Variants in MAP6 observed in about 807,000 individuals in gnomAD.
MAP6 encodes microtubule associated protein 6, also known as microtubule-associated protein 6.
MAP6 carries 26 observed loss-of-function variants against 42.4 expected under a neutral mutation model. That is an observed-to-expected ratio of 0.61 (90% CI 0.45 to 0.85). The LOEUF (loss-of-function observed/expected upper bound fraction) is 0.85. Among genes scored for constraint, MAP6 ranks in the 40% least tolerant of loss-of-function variants. The pLI is 0.00. For missense variants in MAP6, 966 were observed against 1,099.0 expected, an observed-to-expected ratio of 0.88 and a Z score of 1.71; for synonymous variants, 418 against 443.8, an observed-to-expected ratio of 0.94 and a Z score of 0.73.
chr11:75,655,837 A>C (rs1943739215), intron 1 of MAP6, among the ~76,000 whole-genome samples: 1 of 152,252 alleles, frequency 6.6e-6, no homozygotes, highest in African/African-American at 2.4e-5. Flanking sequence ...TGGAATGAGG[A>C]GAATTAGATT....
chr11:75,643,559 C>A (rs1943510064), intron 1 of MAP6, among the ~76,000 whole-genome samples: 1 of 152,156 alleles, frequency 6.6e-6, no homozygotes, highest in Non-Finnish European at 1.5e-5. Context: ...ATAGAACTAG[C>A]CACTACTGCA....
chr11:75,632,379 C>A (rs568886456), intron 1 of MAP6, among the ~76,000 whole-genome samples: 2 of 152,242 alleles, frequency 1.3e-5, no homozygotes, highest in South Asian at 4.2e-4. Flanking sequence ...AGTTTATAAT[C>A]CACCAAAGGG....
intron 1 of MAP6, among the ~76,000 whole-genome samples, chr11:75,610,920 C>A (rs1220264428): frequency 6.6e-6 from 1 of 152,106 alleles, no homozygotes; most frequent in Admixed American, 6.5e-5. Context: ...TTGAAGCTCT[C>A]CTGATTCTGT....
intron 2 of MAP6, chr11:75,607,112 A>G (rs1454885374): frequency 5.8e-6 from 3 of 520,274 alleles, no homozygotes. Context: ...GAAAGGAACC[A>G]ATCGTCCTGG....
chr11:75,667,481 C>G lies in MAP6; in HGVS notation c.889G>C (p.Val297Leu). ...GCGTCTCACCTGTAGGAGCTGCTCACTGCACTCGCCACCTCCTCGCGGATT... is the reference window on the plus strand; with the variant it reads ...GCGTCTCACCTGTAGGAGCTGCTCAGTGCACTCGCCACCTCCTCGCGGATT... ...RQIREEVASA[V>L]SSSYRNEFRA... Residue 297 changes from valine to leucine, a missense_variant, in exon 1 of 4, where the codon GTG (valine) becomes CTG (leucine). Physicochemically the swap from Val to Leu is conservative, Grantham distance 32. Coordinates refer to ENST00000304771, the MANE Select transcript of MAP6 (RefSeq NM_033063.2). This position sits in a 1 kb window ranked among gnomAD's most constrained non-coding sequence, Gnocchi z 5.6. 1.3e-6 allele frequency: 2 copies of G among 1,509,638 alleles called. No individual in the cohort carries two copies. Among genetic ancestry groups the G allele is most frequent in the Non-Finnish European group, 1.8e-6 (2 of 1,137,676 alleles). 93.5% of individuals were successfully genotyped at this position (1,509,638 alleles called of 1,614,324 possible). A position where few individuals can be genotyped will look rare whatever the true frequency, so the allele number is the denominator to read the frequency against.
chr11:75,621,533 T>C (rs1407886747), intron 1 of MAP6, among the ~76,000 whole-genome samples: 1 of 151,888 alleles, frequency 6.6e-6, no homozygotes, highest in Non-Finnish European at 1.5e-5. Context: ...GTCAGTATAA[T>C]AAAACAAGAA....
At chr11:75,650,226 G>A (rs1462757028) in intron 1 of MAP6, among the ~76,000 whole-genome samples, 1 of 152,158 alleles carries the variant, frequency 6.6e-6, no homozygotes, top group Non-Finnish European at 1.5e-5. Context: ...AACAGATGAG[G>A]ACAATGAAGC....
intron 1 of MAP6, among the ~76,000 whole-genome samples, chr11:75,610,064 T>G (rs1942863645): frequency 6.6e-6 from 1 of 152,132 alleles, no homozygotes; most frequent in Admixed American, 6.5e-5. Context: ...CTAGCATACT[T>G]GGCCCCCTCG....
chr11:75,665,825 G>A (rs145982234), intron 1 of MAP6, among the ~76,000 whole-genome samples: 111 of 152,260 alleles, frequency 7.3e-4, no homozygotes, highest in African/African-American at 2.6e-3. Flanking sequence ...CTCAAAGGAA[G>A]TGCTGTACTC....
rs1372047343 is a variant in MAP6, at chr11:75,667,567, A to ACCTGGG, written c.797_802dup (p.Ala266_Gln267dup). 4.1e-6 allele frequency: 6 copies of ACCTGGG among 1,464,360 alleles called. No individual in the cohort carries two copies. The highest frequency in any genetic ancestry group is 2.6e-5 in the South Asian group (2 of 75,746). The allele number at this position is 1,464,360 out of a possible 1,614,324, so 90.7% of individuals were successfully genotyped here. A position where few individuals can be genotyped will look rare whatever the true frequency, so the allele number is the denominator to read the frequency against. ...GCCAGCCTCGGGGCCGGTGGCCTGG[A>ACCTGGG]CCTGGGCCTGGGCCGCGGGCAGCGG... On this transcript the variant is annotated inframe_insertion, in exon 1 of 4. Coordinates refer to ENST00000304771, the MANE Select transcript of MAP6 (RefSeq NM_033063.2). This position sits in a 1 kb window ranked among gnomAD's most constrained non-coding sequence, Gnocchi z 5.6.
chr11:75,603,932 A>T, intron 3 of MAP6: 2 of 985,662 alleles, frequency 2.0e-6, no homozygotes, highest in Non-Finnish European at 2.4e-6. Flanking sequence ...TACATTGGCA[A>T]ATCCTCTGGA....
intron 1 of MAP6, among the ~76,000 whole-genome samples, chr11:75,643,171 G>A (rs965168562): frequency 3.3e-5 from 5 of 151,408 alleles, no homozygotes; most frequent in South Asian, 4.2e-4. Context: ...TGTAAATTGC[G>A]TGTTCACATC....
chr11:75,599,047 C>A (rs1590755811), intron 3 of MAP6: 1 of 152,302 alleles, frequency 6.6e-6, no homozygotes, highest in Non-Finnish European at 1.5e-5. Flanking sequence ...ACCGAGGGAA[C>A]AAGAAGCTTC....
At chr11:75,650,110 G>A (rs537584111) in intron 1 of MAP6, among the ~76,000 whole-genome samples, 2 of 152,244 alleles carry the variant, frequency 1.3e-5, no homozygotes, top group African/African-American at 4.8e-5. Flanking sequence ...CCACTCCAAC[G>A]TGAGACCATG....
chr11:75,607,486 A>G, intron 2 of MAP6: 1 of 985,470 alleles, frequency 1.0e-6, no homozygotes, highest in Non-Finnish European at 1.2e-6. Flanking sequence ...GAGGAATGTT[A>G]CCTTAGGAAA....
At chr11:75,633,863 A>G (rs1943324342) in intron 1 of MAP6, among the ~76,000 whole-genome samples, 1 of 152,224 alleles carries the variant, frequency 6.6e-6, no homozygotes, top group Non-Finnish European at 1.5e-5. Flanking sequence ...CTTGGATAAC[A>G]GAGAGAGGGA....
At chr11:75,610,147 C>A (rs1209894981) in intron 1 of MAP6, among the ~76,000 whole-genome samples, 1 of 152,222 alleles carries the variant, frequency 6.6e-6, no homozygotes, top group Non-Finnish European at 1.5e-5. Context: ...CCAGATACGT[C>A]TCCTTGGCCT....
intron 1 of MAP6, among the ~76,000 whole-genome samples, chr11:75,618,166 A>G (rs1943036353): frequency 6.6e-6 from 1 of 151,188 alleles, no homozygotes; most frequent in South Asian, 2.1e-4. Flanking sequence ...AGCTGGCACT[A>G]AAAATAACAT....
At chr11:75,657,872 C>T (rs1943777561) in intron 1 of MAP6, among the ~76,000 whole-genome samples, 1 of 152,156 alleles carries the variant, frequency 6.6e-6, no homozygotes, top group African/African-American at 2.4e-5. Context: ...TTACACTGAA[C>T]CCAAGTGAAT....
Sources: gnomAD v4.1 joint callset for allele counts (sites outside exome capture counted in the v4.1 genomes callset) on GRCh38, gnomAD v4.1.1 for gene constraint, Gnocchi (gnomAD v3.1) non-coding constraint, MANE v1.5 for transcripts, NCBI Gene and HGNC (gene_info 2026-07-23, HGNC 2026-07-21) for gene names.